Variants in CDC42BPA observed in about 807,000 individuals in gnomAD.
The protein encoded by CDC42BPA is serine/threonine-protein kinase MRCK alpha.
In CDC42BPA, 80 loss-of-function variants were observed where a neutral mutation model predicts 223.5. That is an observed-to-expected ratio of 0.36 (90% confidence interval 0.30 to 0.43). The LOEUF is 0.43. Ranked by LOEUF, CDC42BPA falls within the 20% of genes least tolerant of loss-of-function variation. The pLI, the probability that CDC42BPA is intolerant of heterozygous loss-of-function variation, is 1.00. For missense variants in CDC42BPA, 1,743 were observed against 2,099.9 expected (o/e 0.83, Z 3.32); for synonymous variants, 694 against 718.6 (o/e 0.97, Z 0.55).
intron 21 of CDC42BPA, among the ~76,000 whole-genome samples, chr1:227,067,011 A>T (rs1035055381): frequency 1.3e-5 from 2 of 152,128 alleles, no homozygotes; most frequent in Admixed American, 1.3e-4. Context: ...GCCTTTTAGG[A>T]GGTGGAATAT....
intron 30 of CDC42BPA, among the ~76,000 whole-genome samples, chr1:227,026,735 C>T (rs1320994700): frequency 2.0e-5 from 3 of 152,160 alleles, no homozygotes; most frequent in African/African-American, 7.2e-5. Flanking sequence ...CCAACTCTGA[C>T]TCTACATTAG....
intron 5 of CDC42BPA, among the ~76,000 whole-genome samples, chr1:227,185,275 T>C (rs774739406): frequency 5.3e-5 from 8 of 152,136 alleles, no homozygotes; most frequent in African/African-American, 1.7e-4. Context: ...TCGCAGCTCT[T>C]ATCTAGAATG....
chr1:227,291,987 A>AT (rs35465265), intron 1 of CDC42BPA, among the ~76,000 whole-genome samples: 157 of 147,936 alleles, frequency 1.1e-3, no homozygotes, highest in South Asian at 6.4e-3. Context: ...ATAACAGATA[A>AT]TTTTTTTTTT....
At chr1:227,104,430 T>C (rs951193952) in intron 14 of CDC42BPA, among the ~76,000 whole-genome samples, 2 of 152,178 alleles carry the variant, frequency 1.3e-5, no homozygotes, top group Admixed American at 1.3e-4. Flanking sequence ...TGTGATAATT[T>C]TGTAATAACA....
rs1290269978 is a variant in CDC42BPA at position 227,023,348 on chromosome 1, CTAAAA to C, written c.4531-6_4531-2del. 4 of 1,494,072 alleles carry C rather than the reference CTAAAA, an allele frequency of 2.7e-6. No homozygotes were observed. The highest frequency in any genetic ancestry group is 3.7e-4 in the Middle Eastern group (2 of 5,478). 92.6% of individuals were successfully genotyped at this position (1,494,072 alleles called of 1,614,324 possible). ...ATCCTTCATTGTTTAAGGGTCGAAC[CTAAAA>C]TAAAAGACAAAATTAGTATTTCAAC... is the stretch of plus-strand genomic sequence containing the variant. On this transcript the variant is annotated splice_acceptor_variant and splice_polypyrimidine_tract_variant and intron_variant, in intron 31 of 36. Coordinates refer to ENST00000366766, the MANE Select transcript of CDC42BPA (RefSeq NM_001394014.1). LOFTEE classifies it high-confidence loss of function.
intron 8 of CDC42BPA, among the ~76,000 whole-genome samples, 162 bp downstream of exon 8, chr1:227,145,327 A>C (rs1430839980): frequency 1.3e-5 from 2 of 152,190 alleles, no homozygotes; most frequent in African/African-American, 4.8e-5. Flanking sequence ...CTTTCTTCTT[A>C]ATTTGATTTG....
intron 34 of CDC42BPA, among the ~76,000 whole-genome samples, chr1:227,007,015 G>A (rs1488340647): frequency 6.6e-6 from 1 of 152,092 alleles, no homozygotes; most frequent in Admixed American, 6.6e-5. Context: ...CTGCTTGGTG[G>A]TGGGGGGATC....
intron 35 of CDC42BPA, among the ~76,000 whole-genome samples, chr1:226,999,422 C>T (rs1257484315): frequency 6.6e-6 from 1 of 152,112 alleles, no homozygotes; most frequent in Non-Finnish European, 1.5e-5. Context: ...GTGATCCACC[C>T]ACCTCAGCCT....
intron 21 of CDC42BPA, among the ~76,000 whole-genome samples, chr1:227,057,335 A>G (rs1414444762): frequency 2.0e-5 from 3 of 150,100 alleles, no homozygotes; most frequent in African/African-American, 4.9e-5. Flanking sequence ...ATTATTTTGT[A>G]ATACTACCTC....
chr1:227,215,130 G>C (rs1674603255), intron 2 of CDC42BPA, among the ~76,000 whole-genome samples: 1 of 152,090 alleles, frequency 6.6e-6, no homozygotes, highest in Non-Finnish European at 1.5e-5. Flanking sequence ...ATAAAATAGA[G>C]TATACAAACT....
chr1:227,047,859 G>C, intron 23 of CDC42BPA, 68 bp downstream of exon 23: 1 of 797,764 alleles, frequency 1.3e-6, no homozygotes, highest in Non-Finnish European at 2.1e-6. Flanking sequence ...AAAAATCACA[G>C]CAAATGCATA....
chr1:227,270,330 A>G (rs956994042), intron 1 of CDC42BPA, among the ~76,000 whole-genome samples: 2 of 152,200 alleles, frequency 1.3e-5, no homozygotes, highest in Non-Finnish European at 2.9e-5. Flanking sequence ...AATCAGAAGT[A>G]ATTTCTGTGC....
chr1:227,047,860 C>A, intron 23 of CDC42BPA, 67 bp downstream of exon 23: 1 of 806,068 alleles, frequency 1.2e-6, no homozygotes, highest in Non-Finnish European at 2.0e-6. Context: ...AAAATCACAG[C>A]AAATGCATAG....
rs1202821997 is a variant in CDC42BPA at position 227,101,078 on chromosome 1, T to C, written c.2163A>G (p.Glu721=). 1 of 1,572,088 alleles carries C rather than the reference T, an allele frequency of 6.4e-7. No homozygotes were observed. Among genetic ancestry groups the C allele is most frequent in the East Asian group, 2.2e-5 (1 of 44,560 alleles). Residue 721 remains glutamate, a synonymous_variant, in exon 15 of 37, where the codon GAA becomes GAG. Transcript: ENST00000366766. ...GTTGCTGACCTTCTGAATCATGCAG[T>C]TCTTTCTTAAGATTTTTTATTTCAT... ...HANEIKNLKK[E]LHDSEGQQLA...
intron 21 of CDC42BPA, among the ~76,000 whole-genome samples, chr1:227,068,212 G>A (rs1677509060): frequency 6.6e-6 from 1 of 151,546 alleles, no homozygotes; most frequent in Admixed American, 6.6e-5. Flanking sequence ...AAACCTACTG[G>A]AGAAATTAAT....
chr1:227,096,394 T>C (rs764273230), intron 15 of CDC42BPA, among the ~76,000 whole-genome samples: 5 of 152,230 alleles, frequency 3.3e-5, no homozygotes, highest in Non-Finnish European at 7.3e-5. Flanking sequence ...CCCCATACCC[T>C]GTGTCACAAT....
intron 1 of CDC42BPA, among the ~76,000 whole-genome samples, chr1:227,307,292 G>A (rs910393360): frequency 6.6e-6 from 1 of 152,144 alleles, no homozygotes; most frequent in Non-Finnish European, 1.5e-5. Flanking sequence ...ATATGGAAAG[G>A]ATAAAGGCAA....
At chr1:227,203,239 A>G (rs957119238) in intron 3 of CDC42BPA, among the ~76,000 whole-genome samples, 1 of 152,226 alleles carries the variant, frequency 6.6e-6, no homozygotes, top group African/African-American at 2.4e-5. Flanking sequence ...GTCTAGATAT[A>G]AAGCACAGGC....
At chr1:227,168,558 C>T (rs539357661) in intron 5 of CDC42BPA, among the ~76,000 whole-genome samples, 1 of 133,032 alleles carries the variant, frequency 7.5e-6, no homozygotes, top group Non-Finnish European at 1.5e-5. Flanking sequence ...TGCAATGGTG[C>T]GATCTCCGCT....
Sources: gnomAD v4.1 joint callset for allele counts (sites outside exome capture counted in the v4.1 genomes callset) on GRCh38, gnomAD v4.1.1 for gene constraint, MANE v1.5 for transcripts, NCBI Gene and HGNC (gene_info 2026-07-23, HGNC 2026-07-21) for gene names.